WWOX: variants seen among roughly 807,000 people sequenced by gnomAD.
WWOX encodes WW domain containing oxidoreductase.
Under a neutral mutation model 46.2 loss-of-function variants are expected in WWOX, and 69 were observed. The ratio of observed to expected loss-of-function variants is 1.49; its 90% CI spans 1.23 to 1.82. The LOEUF (loss-of-function observed/expected upper bound fraction) is 1.82, where lower values mean the gene tolerates loss of function less well. Ranked by LOEUF, WWOX falls within the 40% of genes most tolerant of loss-of-function variation. The probability of loss-of-function intolerance (pLI) is 0.00; values close to 1 mark genes in which losing one functional copy is unlikely to be tolerated. For synonymous variants in WWOX, 359 were observed against 202.6 expected, an observed-to-expected ratio of 1.77 and a Z score of -6.56; for missense variants, 919 against 542.6, an observed-to-expected ratio of 1.69 and a Z score of -6.89.
intron 8 of WWOX, among the ~76,000 whole-genome samples, chr16:78,646,506 C>T (rs367556166): frequency 2.0e-5 from 3 of 152,120 alleles, no homozygotes; most frequent in Admixed American, 6.5e-5. Flanking sequence ...TAGCTCACTG[C>T]ATCCCCTGTC....
chr16:78,412,698 G>C (rs921883117), intron 6 of WWOX, among the ~76,000 whole-genome samples: 1 of 152,150 alleles, frequency 6.6e-6, no homozygotes, highest in South Asian at 2.1e-4. Flanking sequence ...CAGAGAGGAG[G>C]TTGCTGAATT....
rs71384393 is a variant in WWOX, at chr16:79,096,016, A to ATTTTTTGTTTTTTTTTTTTTTTTTTT, written c.1057-115586_1057-115585insGTTTTTTTTTTTTTTTTTTTTTTTTT. On this transcript the variant is annotated intron_variant, in intron 8 of 8. Transcript: ENST00000566780. Reference sequence around the variant, plus strand: ...AGGCATGCGCTGCCACACCCGGATAATTTTTTTTTTTTTTTTTTTTTTGGT... The same window carrying ATTTTTTGTTTTTTTTTTTTTTTTTTT: ...AGGCATGCGCTGCCACACCCGGATAATTTTTTGTTTTTTTTTTTTTTTTTTTTTTTTTTTTTTTTTTTTTTTTTGGT... 2.4e-5 allele frequency among the ~76,000 whole-genome samples: 2 copies of ATTTTTTGTTTTTTTTTTTTTTTTTTT among 82,054 alleles called. 1 individual carries two copies. 53.8% of individuals were successfully genotyped at this position (82,054 alleles called of 152,430 possible).
intron 8 of WWOX, among the ~76,000 whole-genome samples, chr16:78,864,289 G>T (rs7195996): frequency 6.6e-6 from 1 of 150,674 alleles, no homozygotes; most frequent in African/African-American, 2.4e-5. Flanking sequence ...TTTTTTGAGA[G>T]AGAATCTTGC....
chr16:78,903,309 C>T (rs949076204), intron 8 of WWOX, among the ~76,000 whole-genome samples: 1 of 152,184 alleles, frequency 6.6e-6, no homozygotes, highest in Admixed American at 6.5e-5. Flanking sequence ...ATGCAAACAT[C>T]TGATTGGTTT....
chr16:78,319,123 G>C (rs150892594), intron 5 of WWOX, among the ~76,000 whole-genome samples: 1 of 152,066 alleles, frequency 6.6e-6, no homozygotes, highest in Non-Finnish European at 1.5e-5. Context: ...CAGTGAGATG[G>C]CAGCATGAGA....
chr16:78,508,475 C>T (rs373575536), intron 8 of WWOX, among the ~76,000 whole-genome samples: 21 of 152,190 alleles, frequency 1.4e-4, no homozygotes, highest in East Asian at 1.9e-4. Context: ...AGCTGCAAGA[C>T]GTAGCTAATT....
At chr16:78,879,567 A>G (rs1034833431) in intron 8 of WWOX, among the ~76,000 whole-genome samples, 4 of 152,118 alleles carry the variant, frequency 2.6e-5, no homozygotes, top group Non-Finnish European at 5.9e-5. Flanking sequence ...TCCAAGAGGC[A>G]ACATTGTTTG....
intron 8 of WWOX, among the ~76,000 whole-genome samples, chr16:78,866,579 T>G (rs1287273500): frequency 6.6e-6 from 1 of 152,128 alleles, no homozygotes; most frequent in Non-Finnish European, 1.5e-5. Context: ...GGGAACAAAA[T>G]CACTTAAGTG....
At chr16:78,789,817 A>G (rs1404202272) in intron 8 of WWOX, among the ~76,000 whole-genome samples, 3 of 152,102 alleles carry the variant, frequency 2.0e-5, no homozygotes, top group African/African-American at 7.2e-5. Flanking sequence ...TTCCCCCTCC[A>G]GCTGTAGGGG....
chr16:78,771,008 T>G (rs1432285772), intron 8 of WWOX, among the ~76,000 whole-genome samples: 1 of 152,192 alleles, frequency 6.6e-6, no homozygotes, highest in African/African-American at 2.4e-5. Flanking sequence ...AGGAAGGGAT[T>G]GCTGGAGGCA....
At chr16:78,660,478 T>C (rs1242584291) in intron 8 of WWOX, among the ~76,000 whole-genome samples, 1 of 152,132 alleles carries the variant, frequency 6.6e-6, no homozygotes, top group African/African-American at 2.4e-5. Context: ...GGTGGGCATA[T>C]AATGAGTAAC....
intron 5 of WWOX, among the ~76,000 whole-genome samples, chr16:78,242,381 C>T (rs547469629): frequency 2.0e-5 from 3 of 152,282 alleles, no homozygotes; most frequent in Non-Finnish European, 2.9e-5. Context: ...CATTCTTTGG[C>T]AAACATTAAC....
At chr16:78,398,831 G>A (rs998681044) in intron 6 of WWOX, among the ~76,000 whole-genome samples, 2 of 152,178 alleles carry the variant, frequency 1.3e-5, no homozygotes, top group African/African-American at 4.8e-5. Context: ...TATTTATAAA[G>A]CGTAGTACCT....
chr16:79,058,081 G>A (rs1459803104), intron 8 of WWOX, among the ~76,000 whole-genome samples: 1 of 147,940 alleles, frequency 6.8e-6, no homozygotes, highest in Non-Finnish European at 1.5e-5. Flanking sequence ...TGTGAGCTTA[G>A]CCAGAGTAGG....
At chr16:79,109,212 C>A (rs182856432) in intron 8 of WWOX, among the ~76,000 whole-genome samples, 2 of 152,292 alleles carry the variant, frequency 1.3e-5, no homozygotes, top group African/African-American at 4.8e-5. Context: ...AAACGTATTC[C>A]TTTGTCCCTT....
chr16:78,654,651 C>T (rs1054979306), intron 8 of WWOX, among the ~76,000 whole-genome samples: 1 of 152,010 alleles, frequency 6.6e-6, no homozygotes, highest in East Asian at 1.9e-4. Flanking sequence ...CTCTCTCTCT[C>T]TCTCTCTGTG....
chr16:78,909,311 A>G (rs2045048016), intron 8 of WWOX, among the ~76,000 whole-genome samples: 1 of 152,202 alleles, frequency 6.6e-6, no homozygotes, highest in African/African-American at 2.4e-5. Flanking sequence ...CAAGGGGGAA[A>G]GAATTTTAGA....
chr16:78,840,339 A>C lies in WWOX; in HGVS notation c.1057-371269A>C, dbSNP rs1167108263. On this transcript the variant is annotated intron_variant, in intron 8 of 8. Transcript: ENST00000566780. Reference sequence around the variant, plus strand: ...TGAAGAGCGATTCTTGTGTGAATTCAGGGAGAGGAGGCATGAGGCATGGTA... The same window carrying C: ...TGAAGAGCGATTCTTGTGTGAATTCCGGGAGAGGAGGCATGAGGCATGGTA... Among the ~76,000 whole-genome samples, 7 of 152,248 alleles carry C rather than the reference A, an allele frequency of 4.6e-5. No individual in the cohort carries two copies. The East Asian group carries it at 1.2e-3, about 25-fold the overall frequency.
At chr16:78,242,905 G>C (rs2037703637) in intron 5 of WWOX, among the ~76,000 whole-genome samples, 1 of 152,166 alleles carries the variant, frequency 6.6e-6, no homozygotes, top group Non-Finnish European at 1.5e-5. Context: ...CTACTTGGGA[G>C]GCTGAGGCAT....
Sources: allele counts gnomAD v4.1 joint callset (sites outside exome capture counted in the v4.1 genomes callset), GRCh38; gene constraint gnomAD v4.1.1; transcripts MANE v1.5; gene names NCBI Gene and HGNC (gene_info 2026-07-23, HGNC 2026-07-21).